The following FYN variants were observed in gnomAD, a reference collection of about 807,000 sequenced individuals.
FYN encodes the protein tyrosine-protein kinase Fyn.
FYN carries 10 observed loss-of-function variants against 70.2 expected under a neutral mutation model. That is an observed-to-expected ratio of 0.14 (90% CI 0.09 to 0.24). The LOEUF is 0.24. Among genes scored for constraint, FYN ranks in the 10% least tolerant of loss-of-function variants. The pLI, the probability that FYN is intolerant of heterozygous loss-of-function variation, is 1.00. For missense variants in FYN, 319 were observed against 673.1 expected (o/e 0.47, Z 5.82); for synonymous variants, 236 against 248.6 (o/e 0.95, Z 0.48).
intron 2 of FYN, among the ~76,000 whole-genome samples, chr6:111,796,023 T>C (rs1771793624): frequency 6.6e-6 from 1 of 152,244 alleles, no homozygotes; most frequent in Non-Finnish European, 1.5e-5. Flanking sequence ...CCTCACTTTA[T>C]CCTTATTAAT....
At chr6:111,826,457 G>A (rs1772838121) in intron 2 of FYN, among the ~76,000 whole-genome samples, 1 of 152,082 alleles carries the variant, frequency 6.6e-6, no homozygotes, top group African/African-American at 2.4e-5. Flanking sequence ...CTTCAAAAGG[G>A]TAATCTGTTT....
At chr6:111,831,028 G>A (rs768113184) in intron 2 of FYN, among the ~76,000 whole-genome samples, 3 of 152,140 alleles carry the variant, frequency 2.0e-5, no homozygotes, top group African/African-American at 4.8e-5. Flanking sequence ...GAATAGGCAC[G>A]CAGGGGTCTC....
rs541406213 is a variant in FYN at position 111,698,295 on chromosome 6, G to A, written c.862+1809C>T. On this transcript the variant is annotated intron_variant, in intron 9 of 13. Transcript: ENST00000354650. ...ATTACAGGCATGCACCACCATGCCC[G>A]GCTAATTTTGTATTTTTAGTAGAGG... 6.6e-5 allele frequency among the ~76,000 whole-genome samples: 10 copies of A among 152,118 alleles called. No individual in the cohort carries two copies. In the East Asian group the frequency reaches 1.2e-3, roughly 18 times the overall value.
intron 7 of FYN, 36 bp from the exon 8 acceptor site, chr6:111,703,070 T>G: frequency 6.2e-7 from 1 of 1,603,378 alleles, no homozygotes; most frequent in Non-Finnish European, 8.5e-7. Flanking sequence ...GCTCCAATCA[T>G]TTAGAGTATC....
intron 3 of FYN, among the ~76,000 whole-genome samples, chr6:111,722,465 CT>C (rs1442837922): frequency 6.6e-6 from 1 of 152,204 alleles, no homozygotes; most frequent in Non-Finnish European, 1.5e-5. Flanking sequence ...AATATTAACT[CT>C]TTCGTGGTGG....
intron 2 of FYN, among the ~76,000 whole-genome samples, chr6:111,832,350 T>C (rs748889047): frequency 6.6e-6 from 1 of 152,242 alleles, no homozygotes; most frequent in Non-Finnish European, 1.5e-5. Flanking sequence ...TAGCTGCTAA[T>C]ATACAGAAAT....
intron 2 of FYN, among the ~76,000 whole-genome samples, chr6:111,815,046 C>T (rs1772442548): frequency 2.0e-5 from 3 of 152,140 alleles, no homozygotes; most frequent in Admixed American, 6.5e-5. Flanking sequence ...GCTGGCTTCC[C>T]TCAAAACAAA....
chr6:111,714,512 C>A, intron 4 of FYN, 69 bp from the exon 5 acceptor site: 3 of 1,110,644 alleles, frequency 2.7e-6, no homozygotes, highest in South Asian at 1.3e-5. Context: ...GAAATTAAAT[C>A]TTCACTAAAA....
At chr6:111,725,880 T>G (rs1242986378) in intron 3 of FYN, among the ~76,000 whole-genome samples, 1 of 152,162 alleles carries the variant, frequency 6.6e-6, no homozygotes, top group Non-Finnish European at 1.5e-5. Flanking sequence ...GGGTTGTTAT[T>G]TGGCACAGCC....
intron 4 of FYN, among the ~76,000 whole-genome samples, chr6:111,718,276 T>C (rs79756992): frequency 0.035 from 5,337 of 152,324 alleles, 153 homozygotes; most frequent in East Asian, 0.13. Flanking sequence ...CTTACAGGAC[T>C]GAAGGCAGTA....
chr6:111,828,520 T>C (rs1406961535), intron 2 of FYN, among the ~76,000 whole-genome samples: 1 of 152,218 alleles, frequency 6.6e-6, no homozygotes, highest in Non-Finnish European at 1.5e-5. Context: ...TGTCCACTGA[T>C]GGATGAATGC....
chr6:111,845,796 C>A (rs1270659105), intron 2 of FYN, among the ~76,000 whole-genome samples: 1 of 152,146 alleles, frequency 6.6e-6, no homozygotes, highest in Non-Finnish European at 1.5e-5. Flanking sequence ...GGGTGGCTAG[C>A]GAGAGCTGCG....
chr6:111,766,654 A>C (rs550161746), intron 3 of FYN, among the ~76,000 whole-genome samples: 1 of 152,296 alleles, frequency 6.6e-6, no homozygotes, highest in Admixed American at 6.5e-5. Context: ...GGAAGCAATC[A>C]CATCCTTCCT....
At position 111,696,404 on chromosome 6, in the gene FYN, T is replaced by C. The variant is rs914477171; in HGVS notation, c.915A>G (p.Thr305=). 7.4e-6 allele frequency: 12 copies of C among 1,612,726 alleles called. No homozygotes were observed. Among genetic ancestry groups the C allele is most frequent in the African/African-American group, 1.3e-5 (1 of 74,928 alleles). ...CCTCAAGGAATGATTCGGGGGACAT[T>C]GTGCCTGGTTTAAGAGTCTTTATGG... ...KVAIKTLKPG[T]MSPESFLEEA... is the part of the protein sequence containing the mutation. Residue 305 remains threonine (T), a synonymous_variant, in exon 10 of 14, where the codon ACA becomes ACG. Coordinates refer to ENST00000354650, the MANE Select transcript of FYN (RefSeq NM_002037.5).
intron 5 of FYN, among the ~76,000 whole-genome samples, chr6:111,710,573 G>A (rs1800323544): frequency 6.6e-6 from 1 of 152,040 alleles, no homozygotes; most frequent in South Asian, 2.1e-4. Flanking sequence ...CTTTTTCTAG[G>A]CTTTCTAGGG....
chr6:111,704,947 A>G (rs1583334461), intron 6 of FYN, among the ~76,000 whole-genome samples: 1 of 152,076 alleles, frequency 6.6e-6, no homozygotes, highest in East Asian at 1.9e-4. Flanking sequence ...CTGTAATCCC[A>G]GCTACTCAGG....
chr6:111,720,081 G>A lies in FYN; in HGVS notation c.-11-19C>T. On this transcript the variant is annotated intron_variant, in intron 3 of 13. Coordinates refer to ENST00000354650, the MANE Select transcript of FYN (RefSeq NM_002037.5). Reference sequence around the variant, plus strand: ...TAAATTCCTGCCAAAGACAAAAAAGGGGGCACGTAAGCTGGGATGCTCCCT... The same window carrying A: ...TAAATTCCTGCCAAAGACAAAAAAGAGGGCACGTAAGCTGGGATGCTCCCT... The A allele has an allele frequency of 1.3e-6, 2 of 1,564,562 alleles. No homozygotes were observed. The highest frequency in any genetic ancestry group is 2.4e-5 in the South Asian group (2 of 83,226).
At chr6:111,817,098 G>C (rs1469501099) in intron 2 of FYN, among the ~76,000 whole-genome samples, 2 of 81,372 alleles carry the variant, frequency 2.5e-5, no homozygotes, top group Admixed American at 2.2e-4. Flanking sequence ...GATTAAAATA[G>C]ATTATAGATT....
At position 111,694,312 on chromosome 6, in the gene FYN, G is replaced by C; in HGVS notation, c.1273+63C>G. The C allele has an allele frequency of 1.9e-6, 3 of 1,573,992 alleles. No homozygotes were observed. The highest frequency in any genetic ancestry group is 2.6e-6 in the Non-Finnish European group (3 of 1,147,728). ...AAGGGAAGGGAAGGAGGAAGGAAGG[G>C]CTGTGCAGTAAGTGACTGTTCTCAC... On this transcript the variant is annotated intron_variant, in intron 12 of 13. Coordinates refer to ENST00000354650, the MANE Select transcript of FYN (RefSeq NM_002037.5). This position sits in a 1 kb window ranked among gnomAD's most constrained non-coding sequence, Gnocchi z 5.0.
Sources: allele counts gnomAD v4.1 joint callset (sites outside exome capture counted in the v4.1 genomes callset), GRCh38; gene constraint gnomAD v4.1.1; non-coding constraint Gnocchi (gnomAD v3.1); transcripts MANE v1.5; gene names NCBI Gene and HGNC (gene_info 2026-07-23, HGNC 2026-07-21).